Variants in CDKAL1 observed in about 807,000 individuals in gnomAD.
The protein encoded by CDKAL1 is CDKAL1 threonylcarbamoyladenosine tRNA methylthiotransferase.
A neutral mutation model predicts 68.2 loss-of-function variants in CDKAL1; 32 were observed. That is an observed-to-expected ratio of 0.47 (90% CI 0.35 to 0.63). The LOEUF is 0.63. CDKAL1 is among the 30% of genes least tolerant of loss of function. The pLI, the probability that CDKAL1 is intolerant of heterozygous loss-of-function variation, is 0.00. For synonymous variants in CDKAL1, 234 were observed against 244.3 expected, an observed-to-expected ratio of 0.96 and a Z score of 0.39; for missense variants, 606 against 696.7, an observed-to-expected ratio of 0.87 and a Z score of 1.47.
intron 9 of CDKAL1, among the ~76,000 whole-genome samples, chr6:20,875,080 A>G (rs554955787): frequency 1.3e-5 from 2 of 151,548 alleles, no homozygotes; most frequent in Admixed American, 6.6e-5. Flanking sequence ...CGGGTGGATC[A>G]TGAGGTCAGG....
chr6:20,926,237 A>G (rs1407843453), intron 9 of CDKAL1, among the ~76,000 whole-genome samples: 1 of 152,148 alleles, frequency 6.6e-6, no homozygotes, highest in Non-Finnish European at 1.5e-5. Context: ...TTGTTTACAT[A>G]AAGAATTTGG....
intron 9 of CDKAL1, among the ~76,000 whole-genome samples, chr6:20,848,507 A>G (rs1329394387): frequency 6.6e-6 from 1 of 152,178 alleles, no homozygotes; most frequent in Non-Finnish European, 1.5e-5. Context: ...TAACATTGTC[A>G]TATCCAGGTG....
At chr6:20,983,615 G>A (rs1766276713) in intron 10 of CDKAL1, among the ~76,000 whole-genome samples, 1 of 152,130 alleles carries the variant, frequency 6.6e-6, no homozygotes, top group African/African-American at 2.4e-5. Context: ...CAGCTACTCG[G>A]GAGGCTGAGG....
chr6:20,714,378 CTTTTTTTTTTTTTTTTTT>C (rs545162371), intron 5 of CDKAL1, among the ~76,000 whole-genome samples: 1 of 72,722 alleles, frequency 1.4e-5, no homozygotes, highest in Non-Finnish European at 2.9e-5. Flanking sequence ...ATTGTCTGTT[CTTTTTTTTTTTTTTTTTT>C]TTTTTTTTTT....
chr6:20,570,254 A>G (rs1199239323), intron 4 of CDKAL1, among the ~76,000 whole-genome samples: 1 of 138,952 alleles, frequency 7.2e-6, no homozygotes, highest in Non-Finnish European at 1.6e-5. Context: ...CAGGCGTATG[A>G]CACCACGCCC....
At chr6:20,801,697 T>G (rs1256792478) in intron 8 of CDKAL1, among the ~76,000 whole-genome samples, 1 of 152,184 alleles carries the variant, frequency 6.6e-6, no homozygotes, top group Non-Finnish European at 1.5e-5. Flanking sequence ...CCATCTCTAT[T>G]TTTTAAAAAA....
chr6:20,568,744 AAAAAAAC>A (rs1478357952), intron 4 of CDKAL1, among the ~76,000 whole-genome samples: 1 of 81,958 alleles, frequency 1.2e-5, no homozygotes, highest in Non-Finnish European at 2.4e-5. Context: ...CAAAAAAAAA[AAAAAAAC>A]AAAAAAACAA....
intron 13 of CDKAL1, among the ~76,000 whole-genome samples, chr6:21,150,360 G>T (rs564553698): frequency 1.1e-4 from 17 of 152,262 alleles, no homozygotes; most frequent in Middle Eastern, 3.4e-3. Context: ...CAAAACTCCT[G>T]ATGCCTCCTT....
At chr6:21,082,303 G>A (rs1381948820) in intron 12 of CDKAL1, among the ~76,000 whole-genome samples, 1 of 151,958 alleles carries the variant, frequency 6.6e-6, no homozygotes, top group Non-Finnish European at 1.5e-5. Flanking sequence ...TTGTTTGGAT[G>A]TTAATATGTG....
At chr6:20,623,993 G>A (rs536356882) in intron 4 of CDKAL1, among the ~76,000 whole-genome samples, 1 of 152,024 alleles carries the variant, frequency 6.6e-6, no homozygotes, top group Non-Finnish European at 1.5e-5. Context: ...GATAGCTATG[G>A]TTATATTTTT....
intron 4 of CDKAL1, among the ~76,000 whole-genome samples, chr6:20,552,501 A>G (rs1763873487): frequency 6.6e-6 from 1 of 152,182 alleles, no homozygotes. Context: ...TCTGTATAAA[A>G]TAACAGTCCT....
Position 21,201,128 on chromosome 6 carries a change from C to T in CDKAL1, c.1402C>T (p.Pro468Ser). 1 of 1,612,068 alleles carries T rather than the reference C, an allele frequency of 6.2e-7. No homozygotes were observed. The highest frequency in any genetic ancestry group is 8.5e-7 in the Non-Finnish European group (1 of 1,178,566). ...FYEQVLVPKNPAFMGKMVEVD... is the reference protein window; with the variant it reads ...FYEQVLVPKNSAFMGKMVEVD... ...GTTTAAGGTTTTAGTGCCAAAGAAC[C>T]CTGCGTTCATGGGGAAGATGGTTGA... Residue 468 changes from proline to serine, a missense_variant, in exon 15 of 16, where the codon CCT becomes TCT. Coordinates refer to ENST00000274695, the MANE Select transcript of CDKAL1 (RefSeq NM_017774.3).
chr6:20,854,715 G>T (rs892102906), intron 9 of CDKAL1, among the ~76,000 whole-genome samples: 1 of 152,190 alleles, frequency 6.6e-6, no homozygotes, highest in East Asian at 1.9e-4. Context: ...GAAATACCTT[G>T]TTAAATCTAT....
At chr6:20,687,169 G>T (rs1770666008) in intron 5 of CDKAL1, among the ~76,000 whole-genome samples, 1 of 151,904 alleles carries the variant, frequency 6.6e-6, no homozygotes, top group South Asian at 2.1e-4. Flanking sequence ...GTGTGGTTTT[G>T]GTATTAGGAT....
intron 2 of CDKAL1, among the ~76,000 whole-genome samples, chr6:20,540,386 A>G (rs13212040): frequency 0.092 from 13,872 of 151,430 alleles, 1,077 homozygotes; most frequent in African/African-American, 0.21. Flanking sequence ...ATTGCCATTA[A>G]ATGAAATGGG....
intron 8 of CDKAL1, among the ~76,000 whole-genome samples, chr6:20,837,600 A>T (rs1777999785): frequency 6.6e-6 from 1 of 152,158 alleles, no homozygotes; most frequent in Non-Finnish European, 1.5e-5. Flanking sequence ...TCTTTGCTAG[A>T]GACCACTTTC....
chr6:20,567,880 A>C (rs551466646), intron 4 of CDKAL1, among the ~76,000 whole-genome samples: 1 of 144,684 alleles, frequency 6.9e-6, no homozygotes, highest in African/African-American at 2.5e-5. Context: ...TGCCCAGCAA[A>C]TTTTTTTTTT....
In CDKAL1 at chr6:21,153,513, C is replaced by T. The variant is rs147267893; in HGVS notation, c.1300-44508C>T. 4.8e-3 allele frequency among the ~76,000 whole-genome samples: 725 copies of T among 152,112 alleles called. 9 individuals are homozygous for T. The highest frequency in any genetic ancestry group is 0.016 in the African/African-American group (682 of 41,492). On this transcript the variant is annotated intron_variant, in intron 13 of 15. Transcript: ENST00000274695. ...AGATTTGTGTGCCCATATGAGAAGA[C>T]GGGTATCATTCTCTTAGCTAGCAAC...
intron 4 of CDKAL1, among the ~76,000 whole-genome samples, chr6:20,607,579 G>A (rs1378178222): frequency 6.6e-6 from 1 of 151,058 alleles, no homozygotes; most frequent in Non-Finnish European, 1.5e-5. Context: ...TTCTTGGTGG[G>A]GATTTATAGG....
Sources: gnomAD v4.1 joint callset for allele counts (sites outside exome capture counted in the v4.1 genomes callset) on GRCh38, gnomAD v4.1.1 for gene constraint, MANE v1.5 for transcripts, NCBI Gene and HGNC (gene_info 2026-07-23, HGNC 2026-07-21) for gene names.